ELF4: variants seen among roughly 807,000 people sequenced by gnomAD.
The protein encoded by ELF4 is ETS-related transcription factor Elf-4.
Under a neutral mutation model 31.7 loss-of-function variants are expected in ELF4, and 10 were observed. That is an observed-to-expected ratio of 0.32 (90% CI 0.19 to 0.54). The LOEUF is 0.54. ELF4 is among the 20% of genes least tolerant of loss of function. ELF4 has a pLI of 0.95. For missense variants in ELF4, 418 were observed against 522.0 expected (o/e 0.80, Z 1.94); for synonymous variants, 208 against 226.7 (o/e 0.92, Z 0.74).
In ELF4 at chrX:130,098,075, C is replaced by T. The variant is rs754831112; in HGVS notation, c.-210+12250G>A. On this transcript the variant is annotated intron_variant, in intron 1 of 8. Transcript: ENST00000308167. ...CTGCCCAGGGCCCTACCTGCTCTTTCGTCACTACAGGCTCCCGCAGCCTGG... is the reference window on the plus strand; with the variant it reads ...CTGCCCAGGGCCCTACCTGCTCTTTTGTCACTACAGGCTCCCGCAGCCTGG... Among the ~76,000 whole-genome samples, 3 of 112,309 alleles carry T rather than the reference C, an allele frequency of 2.7e-5. No homozygotes were observed. In the South Asian group the frequency reaches 1.1e-3, roughly 41 times the overall value.
At chrX:130,070,067 G>A (rs944109736) in intron 7 of ELF4, among the ~76,000 whole-genome samples, 8 of 111,746 alleles carry the variant, frequency 7.2e-5, no homozygotes, top group Non-Finnish European at 1.5e-4. Context: ...CCACCTCCCC[G>A]GGTCTCTGGC....
chrX:130,067,239 C>T lies in ELF4; in HGVS notation c.1474G>A (p.Gly492Arg), dbSNP rs1051236677. 1 of 1,210,742 alleles carries T rather than the reference C, an allele frequency of 8.3e-7. No homozygotes were observed. Among genetic ancestry groups the T allele is most frequent in the Non-Finnish European group, 1.1e-6 (1 of 895,216 alleles). Residue 492 changes from glycine to arginine, a missense_variant, in exon 9 of 9, where the codon GGG becomes AGG. Physicochemically the swap from Gly to Arg is moderately radical, Grantham distance 125. Coordinates refer to ENST00000308167, the MANE Select transcript of ELF4 (RefSeq NM_001421.4). ...ILSGLPQLLA[G>R]ANRPTNPAPP... ...GCCGGGTTGGTCGGACGGTTGGCCC[C>T]AGCCAGAAGTTGGGGGAGGCCACTG...
Position 130,072,265 on chromosome X carries a change from C to T in ELF4, c.493G>A (p.Glu165Lys). 1.7e-6 allele frequency: 2 copies of T among 1,212,118 alleles called. No homozygotes were observed. The highest frequency in any genetic ancestry group is 2.2e-6 in the Non-Finnish European group (2 of 895,561). The change falls in exon 5 of 9, where the codon GAG becomes AAG. Residue 165 changes from glutamate to lysine, a missense_variant. Physicochemically the swap from Glu to Lys is moderately conservative, Grantham distance 56. Transcript: ENST00000308167. ...GHSLEEKASREESAKKTGKSK... is the reference protein window; with the variant it reads ...GHSLEEKASRKESAKKTGKSK... The stretch of plus-strand genomic sequence containing the variant: ...TTCCCAGTCTTCTTGGCACTTTCCT[C>T]TCTGGAGGCCTTCTCCTCCAGAGAA...
chrX:130,085,263 G>A (rs894398513), intron 1 of ELF4, among the ~76,000 whole-genome samples: 3 of 111,897 alleles, frequency 2.7e-5, no homozygotes, highest in Non-Finnish European at 3.8e-5. Context: ...GAGAAAGTAT[G>A]TGCCCCTGGG....
intron 1 of ELF4, among the ~76,000 whole-genome samples, chrX:130,102,884 G>GAAAGAAAGAA (rs59747310): frequency 1.1e-3 from 46 of 43,742 alleles, no homozygotes; most frequent in African/African-American, 1.7e-3. Flanking sequence ...GAGAGAGAGA[G>GAAAGAAAGAA]AGAAAGAAAG....
rs757160271 is a variant in ELF4 at position 130,066,012 on chromosome X, G to A, written c.*709C>T. On this transcript the variant is annotated 3_prime_UTR_variant, in exon 9 of 9. Coordinates refer to ENST00000308167, the MANE Select transcript of ELF4 (RefSeq NM_001421.4). ...CTCCCTTCGTGGTTTTACCCCACTCGGCCTTTGTGTCCCTGAGGAGCGCAT... is the reference window on the plus strand; with the variant it reads ...CTCCCTTCGTGGTTTTACCCCACTCAGCCTTTGTGTCCCTGAGGAGCGCAT... 5.8e-6 allele frequency: 1 copy of A among 172,943 alleles called. No homozygotes were observed. Among genetic ancestry groups the A allele is most frequent in the East Asian group, 8.2e-5 (1 of 12,219 alleles). The allele number at this position is 172,943 out of a possible 1,213,427, so 14.3% of individuals were successfully genotyped here. A position where few individuals can be genotyped will look rare whatever the true frequency, so the allele number is the denominator to read the frequency against.
Position 130,101,514 on chromosome X carries a change from C to T in ELF4, c.-210+8811G>A, listed in dbSNP as rs533776020. On this transcript the variant is annotated intron_variant, in intron 1 of 8. Coordinates refer to ENST00000308167, the MANE Select transcript of ELF4 (RefSeq NM_001421.4). ...ATAAAATAAGATTTAAAAAACAAGC[C>T]GGGCGCGGTGGCTCGTGCCTGTAAT... 4.5e-4 allele frequency among the ~76,000 whole-genome samples: 50 copies of T among 111,736 alleles called. 1 individual carries two copies. In the Middle Eastern group the frequency reaches 0.014, roughly 31 times the overall value.
chrX:130,107,914 T>C (rs1434721716), intron 1 of ELF4, among the ~76,000 whole-genome samples: 1 of 112,689 alleles, frequency 8.9e-6, no homozygotes, highest in East Asian at 2.8e-4. Flanking sequence ...AGCCAGGCTT[T>C]AAGAACTGGA....
At chrX:130,098,836 G>A (rs1410689935) in intron 1 of ELF4, among the ~76,000 whole-genome samples, 1 of 111,922 alleles carries the variant, frequency 8.9e-6, no homozygotes, top group African/African-American at 3.2e-5. Flanking sequence ...TGACCCACCT[G>A]CAGGCAGGCC....
At chrX:130,068,765 C>T (rs959914133) in intron 8 of ELF4, among the ~76,000 whole-genome samples, 3 of 112,396 alleles carry the variant, frequency 2.7e-5, no homozygotes, top group Admixed American at 1.9e-4. Flanking sequence ...AGGACACGGA[C>T]GCCCTGGTGG....
chrX:130,066,593 G>T lies in ELF4; in HGVS notation c.*128C>A. On this transcript the variant is annotated 3_prime_UTR_variant, in exon 9 of 9. Transcript: ENST00000308167. ...GGCCACAGTGACACCAGGCAGGGCCGGGGGACTTGGGGTCAAGTGTATTGA... is the reference window on the plus strand; with the variant it reads ...GGCCACAGTGACACCAGGCAGGGCCTGGGGACTTGGGGTCAAGTGTATTGA... 1.4e-6 allele frequency: 1 copy of T among 724,123 alleles called. No individual in the cohort carries two copies. The highest frequency in any genetic ancestry group is 2.1e-6 in the Non-Finnish European group (1 of 473,520). The allele number at this position is 724,123 out of a possible 1,213,427, so 59.7% of individuals were successfully genotyped here.
chrX:130,067,571 C>T, intron 8 of ELF4, 46 bp from the exon 9 acceptor site: 1 of 1,156,340 alleles, frequency 8.6e-7, no homozygotes, highest in Admixed American at 2.2e-5. Flanking sequence ...GGAAGTGTCC[C>T]TCAGCTGGTT....
chrX:130,088,959 G>C (rs539985682), intron 1 of ELF4, among the ~76,000 whole-genome samples: 1 of 111,597 alleles, frequency 9.0e-6, no homozygotes, highest in East Asian at 2.8e-4. Flanking sequence ...CTTGGCACTG[G>C]CTGCCCCTCC....
At chrX:130,090,619 C>T (rs1933041857) in intron 1 of ELF4, among the ~76,000 whole-genome samples, 1 of 111,356 alleles carries the variant, frequency 9.0e-6, no homozygotes, top group South Asian at 3.7e-4. Flanking sequence ...CCACCTGGCA[C>T]ACTCTCTCCT....
chrX:130,082,837 G>C (rs1434371853), intron 1 of ELF4, among the ~76,000 whole-genome samples: 1 of 111,776 alleles, frequency 8.9e-6, no homozygotes, highest in Non-Finnish European at 1.9e-5. Context: ...GGATGTGCGT[G>C]TGGGTGTGTC....
intron 1 of ELF4, among the ~76,000 whole-genome samples, chrX:130,108,736 G>A (rs1198881843): frequency 9.1e-6 from 1 of 110,313 alleles, no homozygotes; most frequent in African/African-American, 3.3e-5. Flanking sequence ...GCCAGACATA[G>A]TTGCAAACAA....
chrX:130,070,174 G>A (rs1036036994), intron 7 of ELF4, among the ~76,000 whole-genome samples: 8 of 111,856 alleles, frequency 7.2e-5, no homozygotes, highest in African/African-American at 1.3e-4. Context: ...GGTGGCTCAC[G>A]CCTGTAATCC....
intron 7 of ELF4, 116 bp from the exon 8 acceptor site, chrX:130,069,793 G>T (rs751050608): frequency 5.2e-5 from 56 of 1,080,493 alleles, no homozygotes; most frequent in East Asian, 4.9e-4. Flanking sequence ...GCTGAGTGAG[G>T]CTGGCTGGGG....
In ELF4 at chrX:130,081,404, C is replaced by G. The variant is rs908913672; in HGVS notation, c.-74G>C. 4 of 1,049,769 alleles carry G rather than the reference C, an allele frequency of 3.8e-6. No individual in the cohort carries two copies. The African/African-American group carries it at 7.3e-5, about 19-fold the overall frequency. The allele number at this position is 1,049,769 out of a possible 1,213,427, so 86.5% of individuals were successfully genotyped here. A position where few individuals can be genotyped will look rare whatever the true frequency, so the allele number is the denominator to read the frequency against. On this transcript the variant is annotated 5_prime_UTR_variant, in exon 2 of 9. Transcript: ENST00000308167. ...CTGTGGGGCTTTCTTGATGAAGGGA[C>G]AATACCCAGGTACTTTGGAGCCTAG...
Sources: allele counts gnomAD v4.1 joint callset (sites outside exome capture counted in the v4.1 genomes callset), GRCh38; gene constraint gnomAD v4.1.1; transcripts MANE v1.5; gene names NCBI Gene and HGNC (gene_info 2026-07-23, HGNC 2026-07-21).